The following IFT122 variants were observed in gnomAD, a reference collection of about 807,000 sequenced individuals.
IFT122 encodes the protein intraflagellar transport protein 122 homolog.
In IFT122, 118 loss-of-function variants were observed where a neutral mutation model predicts 161.6. The observed-to-expected ratio is 0.73, with a 90% CI of 0.63 to 0.85. The LOEUF (loss-of-function observed/expected upper bound fraction) is 0.85, where lower values mean the gene tolerates loss of function less well. IFT122 is among the 40% of genes least tolerant of loss of function. The probability of loss-of-function intolerance (pLI) is 0.00; values close to 1 mark genes in which losing one functional copy is unlikely to be tolerated. For missense variants in IFT122, 1,381 were observed against 1,579.6 expected, an observed-to-expected ratio of 0.87 and a Z score of 2.13; for synonymous variants, 550 against 602.4, an observed-to-expected ratio of 0.91 and a Z score of 1.27.
At chr3:129,476,629 A>G (rs374097927) in intron 10 of IFT122, 34 bp from the exon 11 acceptor site, 117 of 1,614,088 alleles carry the variant, frequency 7.2e-5, no homozygotes, top group Non-Finnish European at 1.2e-5. Flanking sequence ...CTTTCTCCAG[A>G]GAGCTGGGAA....
intron 3 of IFT122, among the ~76,000 whole-genome samples, chr3:129,456,903 G>C (rs2075565736): frequency 6.6e-6 from 1 of 152,172 alleles, no homozygotes; most frequent in Non-Finnish European, 1.5e-5. Flanking sequence ...GCAACAGAGT[G>C]AGACTTAGTC....
At position 129,494,216 on chromosome 3, in the gene IFT122, G is replaced by GT. The variant is rs1442076539; in HGVS notation, c.2047-1220dup. ...TAAAACCTTTTTTGTTTGTTTGTTTGTTTTTTTTTTGCAGAGATAGAGTCT... is the reference window on the plus strand; with the variant it reads ...TAAAACCTTTTTTGTTTGTTTGTTTGTTTTTTTTTTTGCAGAGATAGAGTCT... On this transcript the variant is annotated intron_variant, in intron 17 of 29. Coordinates refer to ENST00000348417, the MANE Select transcript of IFT122 (RefSeq NM_052989.3). Among the ~76,000 whole-genome samples, 310 of 147,750 alleles carry GT rather than the reference G, an allele frequency of 2.1e-3. 3 individuals carry two copies. The highest frequency in any genetic ancestry group is 3.4e-3 in the Non-Finnish European group (223 of 66,490).
intron 8 of IFT122, among the ~76,000 whole-genome samples, chr3:129,468,640 T>C (rs1383889220): frequency 1.3e-5 from 2 of 152,216 alleles, no homozygotes; most frequent in Admixed American, 6.5e-5. Flanking sequence ...CATCACGGGC[T>C]GCCGCTTTTC....
chr3:129,476,268 T>C (rs375273474), intron 9 of IFT122, 47 bp from the exon 10 acceptor site: 7 of 1,605,740 alleles, frequency 4.4e-6, no homozygotes, highest in African/African-American at 2.7e-5. Flanking sequence ...GCAATGGTTA[T>C]GGATTCGGAA....
intron 2 of IFT122, among the ~76,000 whole-genome samples, chr3:129,450,248 C>T (rs949829837): frequency 6.6e-6 from 1 of 152,092 alleles, no homozygotes; most frequent in South Asian, 2.1e-4. Flanking sequence ...TACATTTTGT[C>T]CCCCAGAAAA....
intron 15 of IFT122, chr3:129,487,992 G>C: frequency 1.9e-6 from 1 of 536,166 alleles, no homozygotes; most frequent in Non-Finnish European, 3.4e-6. Context: ...ATCCTATGGC[G>C]AGGCAGGCCT....
chr3:129,470,313 G>A (rs2077231726), intron 9 of IFT122, among the ~76,000 whole-genome samples: 1 of 151,886 alleles, frequency 6.6e-6, no homozygotes, highest in African/African-American at 2.4e-5. Flanking sequence ...GCCCAGGCTG[G>A]AGTGCAGTGG....
rs1179270166 is a variant in IFT122 at position 129,476,439 on chromosome 3, T to A, written c.941T>A (p.Leu314His). The A allele has an allele frequency of 6.2e-7, 1 of 1,614,102 alleles. No homozygotes were observed. The change falls in exon 10 of 30, where the codon CTT becomes CAT. Residue 314 changes from leucine to histidine, a missense_variant. Coordinates refer to ENST00000348417, the MANE Select transcript of IFT122 (RefSeq NM_052989.3). Reference sequence around the variant, plus strand: ...CTTTTCACCAAGGATGGAGTGCGGCTTGGGACTGTTGGGGAGCAGAACTCC... The same window carrying A: ...CTTTTCACCAAGGATGGAGTGCGGCATGGGACTGTTGGGGAGCAGAACTCC... Reference protein sequence around the residue: ...VSLFTKDGVRLGTVGEQNSWV... With the variant: ...VSLFTKDGVRHGTVGEQNSWV...
intron 11 of IFT122, 107 bp downstream of exon 11, chr3:129,476,908 TGC>T: frequency 7.0e-7 from 1 of 1,438,074 alleles, no homozygotes; most frequent in Non-Finnish European, 9.7e-7. Context: ...TTTGGCGTTT[TGC>T]AAACCTGTTA....
chr3:129,454,386 T>C (rs2075198461), intron 3 of IFT122, among the ~76,000 whole-genome samples: 1 of 147,092 alleles, frequency 6.8e-6, no homozygotes, highest in African/African-American at 2.6e-5. Context: ...AGAGCTAGAC[T>C]CTGTCTCTTA....
At chr3:129,483,860 G>T (rs552692799) in intron 15 of IFT122, 178 bp downstream of exon 15, 2 of 691,808 alleles carry the variant, frequency 2.9e-6, no homozygotes, top group Admixed American at 2.2e-5. Context: ...CTTGCAACCT[G>T]TGTGACTGGG....
At chr3:129,499,482 C>T (rs1363096648) in intron 18 of IFT122, among the ~76,000 whole-genome samples, 5 of 152,234 alleles carry the variant, frequency 3.3e-5, no homozygotes, top group African/African-American at 4.8e-5. Flanking sequence ...TGGAATTGTG[C>T]ACCAGGTTGT....
chr3:129,496,751 C>T (rs1489321632), intron 18 of IFT122, among the ~76,000 whole-genome samples: 1 of 152,194 alleles, frequency 6.6e-6, no homozygotes, highest in East Asian at 1.9e-4. Context: ...GGTGTTCAGG[C>T]TCCCTCTACT....
intron 16 of IFT122, among the ~76,000 whole-genome samples, chr3:129,489,421 A>G (rs1186564537): frequency 6.6e-6 from 1 of 152,230 alleles, no homozygotes; most frequent in Non-Finnish European, 1.5e-5. Flanking sequence ...AATTTAAATC[A>G]GGGATGGTTG....
chr3:129,481,432 G>A (rs2078630603), intron 13 of IFT122, 98 bp from the exon 14 acceptor site: 3 of 1,117,526 alleles, frequency 2.7e-6, no homozygotes, highest in East Asian at 2.4e-5. Flanking sequence ...GGTGGTGGGA[G>A]TTGTTCTTGC....
In IFT122 at chr3:129,465,114, A is replaced by AGTGTGTGTGTGT. The variant is rs56116340; in HGVS notation, c.563+369_563+380dup. Among the ~76,000 whole-genome samples the AGTGTGTGTGTGT allele has an allele frequency of 3.5e-5, 5 of 142,304 alleles. 1 individual carries two copies. Among genetic ancestry groups the AGTGTGTGTGTGT allele is most frequent in the Non-Finnish European group, 7.7e-5 (5 of 64,536 alleles). 93.4% of individuals were successfully genotyped at this position (142,304 alleles called of 152,430 possible). ...ACATGTGTACGTGTACATGTATATGAGTGTGTGTGTGTGTGTGTGTGTGTG... is the reference window on the plus strand; with the variant it reads ...ACATGTGTACGTGTACATGTATATGAGTGTGTGTGTGTGTGTGTGTGTGTGTGTGTGTGTGTG... On this transcript the variant is annotated intron_variant, in intron 7 of 29. Transcript: ENST00000348417.
intron 9 of IFT122, among the ~76,000 whole-genome samples, chr3:129,475,201 A>G (rs1343072450): frequency 6.6e-6 from 1 of 152,218 alleles, no homozygotes; most frequent in East Asian, 1.9e-4. Flanking sequence ...ATCATTAGCC[A>G]TCAGGAAAAT....
chr3:129,512,697 G>T (rs1427045133), intron 24 of IFT122: 6 of 484,624 alleles, frequency 1.2e-5, no homozygotes, highest in African/African-American at 1.2e-4. Context: ...ACAGATGAGG[G>T]TGTGACTGAA....
rs1471220804 is a variant in IFT122 at position 129,461,273 on chromosome 3, T to C, written c.318T>C (p.His106=). 6.2e-7 allele frequency: 1 copy of C among 1,613,670 alleles called. No individual in the cohort carries two copies. The highest frequency in any genetic ancestry group is 1.7e-5 in the Admixed American group (1 of 60,026). Residue 106 remains histidine (H), a synonymous_variant, in exon 5 of 30, where the codon CAT becomes CAC. Transcript: ENST00000348417. ...IQCVSYNPIT[H]QLASCSSSDF... ...GTGTCTCCTACAATCCTATTACTCA[T>C]CAACTGGCATCTTGTTCCTCCAGTG...
Sources: gnomAD v4.1 joint callset for allele counts (sites outside exome capture counted in the v4.1 genomes callset) on GRCh38, gnomAD v4.1.1 for gene constraint, MANE v1.5 for transcripts, NCBI Gene and HGNC (gene_info 2026-07-23, HGNC 2026-07-21) for gene names.